The following METTL24 variants were observed in gnomAD, a reference collection of about 807,000 sequenced individuals.
The protein encoded by METTL24 is methyltransferase like 24.
Under a neutral mutation model 32.7 loss-of-function variants are expected in METTL24, and 29 were observed. The observed-to-expected ratio is 0.89, with a 90% CI of 0.66 to 1.21. The LOEUF is 1.21. METTL24 is among the 50% of genes most tolerant of loss of function. METTL24 has a pLI of 0.00. For missense variants in METTL24, 439 were observed against 468.1 expected, an observed-to-expected ratio of 0.94 and a Z score of 0.57; for synonymous variants, 163 against 179.5, an observed-to-expected ratio of 0.91 and a Z score of 0.73.
At position 110,357,936 on chromosome 6, in the gene METTL24, C is replaced by G. The variant is rs1408698103; in HGVS notation, c.318+19G>C. 1.7e-6 allele frequency: 2 copies of G among 1,207,360 alleles called. No homozygotes were observed. The highest frequency in any genetic ancestry group is 3.1e-5 in the African/African-American group (2 of 63,538). The allele number at this position is 1,207,360 out of a possible 1,614,324, so 74.8% of individuals were successfully genotyped here. ...GGGCTTCTGGTCCCAGGCCCAAGAC[C>G]GACCGCTTTGCAACTGACCTTCCGG... On this transcript the variant is annotated intron_variant, in intron 1 of 4. Transcript: ENST00000338882.
At chr6:110,327,177 A>G (rs1263605343) in intron 1 of METTL24, among the ~76,000 whole-genome samples, 1 of 152,206 alleles carries the variant, frequency 6.6e-6, no homozygotes, top group East Asian at 1.9e-4. Context: ...TGAAAATACA[A>G]AGGCAGAGCA....
intron 1 of METTL24, chr6:110,357,591 TCCTTTC>T (rs896497360): frequency 1.0e-4 from 16 of 153,952 alleles, no homozygotes; most frequent in African/African-American, 2.2e-4. Flanking sequence ...CACAACGCCT[TCCTTTC>T]CCTTTCCCTT....
chr6:110,254,911 CTTG>C (rs900945799), intron 4 of METTL24, among the ~76,000 whole-genome samples: 3 of 152,124 alleles, frequency 2.0e-5, no homozygotes, highest in African/African-American at 4.8e-5. Flanking sequence ...GAAAGAGGGT[CTTG>C]TTGTTGTAGA....
chr6:110,266,103 T>TTA (rs1458719544), intron 4 of METTL24, among the ~76,000 whole-genome samples: 1 of 151,962 alleles, frequency 6.6e-6, no homozygotes, highest in Non-Finnish European at 1.5e-5. Context: ...TGGGGTCTTA[T>TTA]TATATTACCC....
At chr6:110,325,683 A>G (rs1772005260) in intron 1 of METTL24, among the ~76,000 whole-genome samples, 1 of 152,210 alleles carries the variant, frequency 6.6e-6, no homozygotes, top group South Asian at 2.1e-4. Flanking sequence ...GATGACCATG[A>G]GAGACTGGGC....
In METTL24 at chr6:110,259,974, T is replaced by G. The variant is rs186864277; in HGVS notation, c.787-13714A>C. Among the ~76,000 whole-genome samples, 275 of 152,216 alleles carry G rather than the reference T, an allele frequency of 1.8e-3. 2 individuals are homozygous for G. Among genetic ancestry groups the G allele is most frequent in the South Asian group, 3.3e-3 (16 of 4,816 alleles). On this transcript the variant is annotated intron_variant, in intron 4 of 4. Transcript: ENST00000338882. ...CCAAAACCCCATCTGTACGTCACCA[T>G]CATCAAAGACCAAAGGTAGATAAAA...
intron 1 of METTL24, among the ~76,000 whole-genome samples, chr6:110,336,138 A>C (rs1772222416): frequency 6.6e-6 from 1 of 152,204 alleles, no homozygotes; most frequent in Non-Finnish European, 1.5e-5. Flanking sequence ...TGGAGGATAA[A>C]TCCTTAGTGA....
At chr6:110,250,841 C>T (rs1237470902) in intron 4 of METTL24, among the ~76,000 whole-genome samples, 1 of 152,236 alleles carries the variant, frequency 6.6e-6, no homozygotes, top group Admixed American at 6.5e-5. Flanking sequence ...TCCTTCTCAG[C>T]CACATGATCA....
chr6:110,322,878 A>T lies in METTL24; in HGVS notation c.319-6T>A, dbSNP rs745957901. 19 of 1,602,478 alleles carry T rather than the reference A, an allele frequency of 1.2e-5. No homozygotes were observed. In the South Asian group the frequency reaches 2.1e-4, roughly 18 times the overall value. On this transcript the variant is annotated splice_region_variant and splice_polypyrimidine_tract_variant and intron_variant, in intron 1 of 4. Transcript: ENST00000338882. The stretch of plus-strand genomic sequence containing the variant: ...TCTATATGCCACCGGGGACCCTGCA[A>T]GAGACAGAAAACATAGGTTGTGTGT...
chr6:110,262,119 A>G lies in METTL24; in HGVS notation c.787-15859T>C, dbSNP rs570047986. On this transcript the variant is annotated intron_variant, in intron 4 of 4. Coordinates refer to ENST00000338882, the MANE Select transcript of METTL24 (RefSeq NM_001123364.3). Reference sequence around the variant, plus strand: ...GAAGGCAAGAAATAACTAAGATCAGAGCAGAACTGAAGGAGATAGAGATAC... The same window carrying G: ...GAAGGCAAGAAATAACTAAGATCAGGGCAGAACTGAAGGAGATAGAGATAC... Among the ~76,000 whole-genome samples the G allele has an allele frequency of 4.4e-3, 669 of 152,344 alleles. 2 individuals are homozygous for G. The highest frequency in any genetic ancestry group is 0.015 in the African/African-American group (640 of 41,584).
intron 2 of METTL24, among the ~76,000 whole-genome samples, chr6:110,318,551 G>A (rs920211727): frequency 6.6e-6 from 1 of 151,478 alleles, no homozygotes; most frequent in Admixed American, 6.6e-5. Flanking sequence ...CTACTAGGGA[G>A]GCTGAGGCAG....
intron 4 of METTL24, among the ~76,000 whole-genome samples, chr6:110,263,646 A>G (rs927029956): frequency 6.6e-6 from 1 of 152,238 alleles, no homozygotes; most frequent in African/African-American, 2.4e-5. Flanking sequence ...GAACCAAAAA[A>G]GAGCCCGCAT....
intron 4 of METTL24, among the ~76,000 whole-genome samples, chr6:110,267,781 C>T (rs187995019): frequency 4.3e-4 from 65 of 152,266 alleles, no homozygotes; most frequent in Admixed American, 2.0e-3. Context: ...CCACTGGCAT[C>T]TGCTTCTGTG....
chr6:110,250,852 G>C (rs1028721417), intron 4 of METTL24, among the ~76,000 whole-genome samples: 11 of 152,178 alleles, frequency 7.2e-5, no homozygotes, highest in Admixed American at 7.2e-4. Flanking sequence ...CACATGATCA[G>C]GCCCAGTAGG....
At chr6:110,302,766 T>C (rs1034396899) in intron 3 of METTL24, among the ~76,000 whole-genome samples, 2 of 152,138 alleles carry the variant, frequency 1.3e-5, no homozygotes, top group African/African-American at 4.8e-5. Flanking sequence ...CACTTTATTA[T>C]ATATTCATAT....
chr6:110,256,192 A>G (rs1054336916), intron 4 of METTL24, among the ~76,000 whole-genome samples: 3 of 152,192 alleles, frequency 2.0e-5, no homozygotes, highest in Non-Finnish European at 4.4e-5. Flanking sequence ...ACACACACAC[A>G]TGACTGAGGA....
chr6:110,317,682 T>C (rs971243956), intron 2 of METTL24, among the ~76,000 whole-genome samples: 5 of 152,082 alleles, frequency 3.3e-5, no homozygotes, highest in South Asian at 2.1e-4. Context: ...ACCTCCATAA[T>C]GACAGATGAA....
chr6:110,276,937 A>G (rs1771058378), intron 4 of METTL24, among the ~76,000 whole-genome samples: 1 of 152,188 alleles, frequency 6.6e-6, no homozygotes, highest in African/African-American at 2.4e-5. Context: ...AAGAATGACA[A>G]TCCTGGGGGA....
intron 1 of METTL24, among the ~76,000 whole-genome samples, chr6:110,355,827 A>G (rs1438514784): frequency 5.3e-5 from 8 of 152,094 alleles, no homozygotes; most frequent in Non-Finnish European, 1.5e-5. Flanking sequence ...CTCCACACCT[A>G]CCACAGCAAG....
Sources: gnomAD v4.1 joint callset for allele counts (sites outside exome capture counted in the v4.1 genomes callset) on GRCh38, gnomAD v4.1.1 for gene constraint, MANE v1.5 for transcripts, NCBI Gene and HGNC (gene_info 2026-07-23, HGNC 2026-07-21) for gene names.